The following DYDC1 variants were observed in gnomAD, a reference collection of about 807,000 sequenced individuals.
The protein encoded by DYDC1 is DPY30 domain-containing protein 1.
In DYDC1, 21 loss-of-function variants were observed where a neutral mutation model predicts 27.9. That is an observed-to-expected ratio of 0.75 (90% CI 0.53 to 1.08). The LOEUF is 1.08. Ranked by LOEUF, DYDC1 falls within the 50% of genes least tolerant of loss-of-function variation. The pLI is 0.00. For synonymous variants in DYDC1, 67 were observed against 65.8 expected (o/e 1.02, Z -0.09); for missense variants, 202 against 205.9 (o/e 0.98, Z 0.12).
intron 3 of DYDC1, among the ~76,000 whole-genome samples, chr10:80,346,739 T>A (rs1302680913): frequency 2.0e-5 from 3 of 151,524 alleles, no homozygotes; most frequent in Admixed American, 6.6e-5. Context: ...GGATTACAGG[T>A]GTGAGCCACT....
rs751096688 is a variant in DYDC1 at position 80,336,156 on chromosome 10, C to G, written c.534G>C (p.Ter178TyrextTer5). The G allele has an allele frequency of 3.9e-6, 6 of 1,535,284 alleles. No homozygotes were observed. The South Asian group carries it at 7.1e-5, about 18-fold the overall frequency. ...DIALNIDQDL[*>Y] ...TTTATTGCTCTTAGGTTGGTTGGTC[C>G]TACAAATCTTGATCAATGTTTAATG... The change falls in exon 7 of 7, where the codon TAG (stop) becomes TAC (tyrosine). Residue 178 changes from the stop codon to tyrosine (Y), a stop_lost. Transcript: ENST00000372202.
chr10:80,337,725 G>A (rs2132737369), intron 6 of DYDC1, among the ~76,000 whole-genome samples: 1 of 152,212 alleles, frequency 6.6e-6, no homozygotes, highest in Middle Eastern at 3.4e-3. Flanking sequence ...ACTATCCTCA[G>A]CCTCCCATGC....
At chr10:80,355,016 A>G (rs1408693138) in intron 1 of DYDC1, among the ~76,000 whole-genome samples, 2 of 151,966 alleles carry the variant, frequency 1.3e-5, no homozygotes, top group Non-Finnish European at 1.5e-5. Context: ...GAGACCAGAC[A>G]AGAGGAGTAG....
chr10:80,356,718 A>G lies in DYDC1; in HGVS notation c.-16T>C, dbSNP rs1398745043. ...GCCTTTCCGGTGCGCTCACCCCTAC[A>G]CACGCGCCTGCTCGCCACCCAGGAG... On this transcript the variant is annotated 5_prime_UTR_variant, in exon 1 of 7. Coordinates refer to ENST00000372202, the MANE Select transcript of DYDC1 (RefSeq NM_001269053.2). 8 of 984,696 alleles carry G rather than the reference A, an allele frequency of 8.1e-6. No individual in the cohort carries two copies. In the East Asian group the frequency reaches 8.0e-4, roughly 98 times the overall value. 61.0% of individuals were successfully genotyped at this position (984,696 alleles called of 1,614,324 possible).
intron 6 of DYDC1, chr10:80,338,229 G>C: frequency 2.0e-6 from 2 of 985,428 alleles, no homozygotes; most frequent in Non-Finnish European, 2.4e-6. Context: ...ATTTTGAAGA[G>C]GTTTTGAAGT....
chr10:80,356,403 C>T, intron 1 of DYDC1: 3 of 985,668 alleles, frequency 3.0e-6, no homozygotes, highest in Non-Finnish European at 3.6e-6. Flanking sequence ...GGCGGGGGCA[C>T]CCGGGCAGGG....
chr10:80,351,339 T>A, intron 3 of DYDC1, among the ~76,000 whole-genome samples: 1 of 151,766 alleles, frequency 6.6e-6, no homozygotes, highest in African/African-American at 2.4e-5. Flanking sequence ...ACCCTACGAA[T>A]CATCCACTCT....
chr10:80,351,350 A>G (rs1227958614), intron 3 of DYDC1, among the ~76,000 whole-genome samples: 7 of 151,314 alleles, frequency 4.6e-5, no homozygotes, highest in African/African-American at 1.7e-4. Flanking sequence ...CATCCACTCT[A>G]TTTCCTAATG....
rs145429415 is a variant in DYDC1 at position 80,338,558 on chromosome 10, T to C, written c.413A>G (p.Asp138Gly). 1.9e-6 allele frequency: 3 copies of C among 1,581,536 alleles called. No homozygotes were observed. The highest frequency in any genetic ancestry group is 2.6e-6 in the Non-Finnish European group (3 of 1,167,244). Reference protein sequence around the residue: ...DILHSEEATLDSGKTLAEISD... With the variant: ...DILHSEEATLGSGKTLAEISD... ...GATTTCAGCTAGTGTTTTGCCTGAG[T>C]CTAGTGTTGCTTCCTACAATCAAAA... is the stretch of plus-strand genomic sequence containing the variant. Residue 138 changes from aspartate to glycine, a missense_variant, in exon 6 of 7, where the codon GAC (aspartate) becomes GGC (glycine). Physicochemically the swap from Asp to Gly is moderately conservative, Grantham distance 94. Coordinates refer to ENST00000372202, the MANE Select transcript of DYDC1 (RefSeq NM_001269053.2).
At chr10:80,349,912 G>A (rs1842885731) in intron 3 of DYDC1, among the ~76,000 whole-genome samples, 1 of 152,192 alleles carries the variant, frequency 6.6e-6, no homozygotes, top group Non-Finnish European at 1.5e-5. Flanking sequence ...GGCTTGTGGA[G>A]AGTGCCTAAA....
In DYDC1 at chr10:80,337,227, T is replaced by C. The variant is rs1564657425; in HGVS notation, c.505-1042A>G. On this transcript the variant is annotated intron_variant, in intron 6 of 6. Coordinates refer to ENST00000372202, the MANE Select transcript of DYDC1 (RefSeq NM_001269053.2). The stretch of plus-strand genomic sequence containing the variant: ...GCCCAGGTCAGGTCTCTCCCTACTC[T>C]GTCCCTCAAAGAAGCTTCCCCATTG... 4 of 985,486 alleles carry C rather than the reference T, an allele frequency of 4.1e-6. No homozygotes were observed. The East Asian group carries it at 4.5e-4, about 112-fold the overall frequency. 61.0% of individuals were successfully genotyped at this position (985,486 alleles called of 1,614,324 possible).
chr10:80,355,965 C>T (rs1402160315), intron 1 of DYDC1, among the ~76,000 whole-genome samples: 1 of 140,904 alleles, frequency 7.1e-6, no homozygotes, highest in Non-Finnish European at 1.5e-5. Flanking sequence ...ACAGACATCT[C>T]AAAGTCATTT....
Position 80,338,589 on chromosome 10 carries a change from A to G in DYDC1, c.400-18T>C. ...GTTGCTTCCTACAATCAAAAAATTGATTTTTACTTTTAAATGATTTCAAAA... is the reference window on the plus strand; with the variant it reads ...GTTGCTTCCTACAATCAAAAAATTGGTTTTTACTTTTAAATGATTTCAAAA... On this transcript the variant is annotated intron_variant, in intron 5 of 6. Transcript: ENST00000372202. The G allele has an allele frequency of 6.6e-7, 1 of 1,523,260 alleles. No individual in the cohort carries two copies. 94.4% of individuals were successfully genotyped at this position (1,523,260 alleles called of 1,614,324 possible).
chr10:80,346,444 CTTTTT>C (rs1032729095), intron 3 of DYDC1, among the ~76,000 whole-genome samples: 134 of 83,344 alleles, frequency 1.6e-3, no homozygotes, highest in African/African-American at 2.5e-3. Flanking sequence ...TCTTCCCTTT[CTTTTT>C]TTTTTTTTTT....
chr10:80,344,170 A>T (rs988677706), intron 3 of DYDC1, among the ~76,000 whole-genome samples: 2 of 152,210 alleles, frequency 1.3e-5, no homozygotes, highest in African/African-American at 4.8e-5. Flanking sequence ...ATTTACAAAA[A>T]TTAAAAATGA....
chr10:80,338,579 CA>C lies in DYDC1; in HGVS notation c.400-9del. On this transcript the variant is annotated splice_polypyrimidine_tract_variant and intron_variant, in intron 5 of 6. Coordinates refer to ENST00000372202, the MANE Select transcript of DYDC1 (RefSeq NM_001269053.2). ...TGAGTCTAGTGTTGCTTCCTACAAT[CA>C]AAAAATTGATTTTTACTTTTAAATG... The C allele has an allele frequency of 4.6e-6, 7 of 1,526,822 alleles. No individual in the cohort carries two copies. Among genetic ancestry groups the C allele is most frequent in the Admixed American group, 2.3e-5 (1 of 42,608 alleles). 94.6% of individuals were successfully genotyped at this position (1,526,822 alleles called of 1,614,324 possible).
intron 4 of DYDC1, 64 bp from the exon 5 acceptor site, chr10:80,339,217 T>G: frequency 1.3e-6 from 1 of 752,600 alleles, no homozygotes; most frequent in East Asian, 3.5e-5. Flanking sequence ...ATGTTTAATT[T>G]TTGGCATTTT....
At chr10:80,342,815 T>C (rs1302782731) in intron 3 of DYDC1, among the ~76,000 whole-genome samples, 1 of 151,924 alleles carries the variant, frequency 6.6e-6, no homozygotes, top group African/African-American at 2.4e-5. Flanking sequence ...ACCCTGTCTC[T>C]ACTAAAAATA....
intron 3 of DYDC1, among the ~76,000 whole-genome samples, chr10:80,345,429 G>C (rs1842553195): frequency 1.3e-5 from 2 of 152,230 alleles, no homozygotes; most frequent in South Asian, 4.1e-4. Context: ...TGTATGGTAA[G>C]AGCACCTAAA....
Sources: gnomAD v4.1 joint callset for allele counts (sites outside exome capture counted in the v4.1 genomes callset) on GRCh38, gnomAD v4.1.1 for gene constraint, MANE v1.5 for transcripts, NCBI Gene and HGNC (gene_info 2026-07-23, HGNC 2026-07-21) for gene names.